The following FNDC3A variants were observed in gnomAD, a reference collection of about 807,000 sequenced individuals.
The protein encoded by FNDC3A is fibronectin type III domain containing 3A, also known as fibronectin type-III domain-containing protein 3A.
A neutral mutation model predicts 148.9 loss-of-function variants in FNDC3A; 32 were observed. That is an observed-to-expected ratio of 0.21 (90% CI 0.16 to 0.29). The LOEUF is 0.29. Among genes scored for constraint, FNDC3A ranks in the 10% least tolerant of loss-of-function variants. The pLI is 1.00. For missense variants in FNDC3A, 1,191 were observed against 1,452.8 expected (o/e 0.82, Z 2.93); for synonymous variants, 472 against 473.6 (o/e 1.00, Z 0.04).
chr13:49,191,239 T>C lies in FNDC3A; in HGVS notation c.2081T>C (p.Ile694Thr). The change falls in exon 19 of 26, where the codon ATT (isoleucine) becomes ACT (threonine). Residue 694 changes from isoleucine (I) to threonine (T), a missense_variant. Transcript: ENST00000492622. ...CCTCTGGTTGATGGTGGATCACCCA[T>C]TTCCTGTTACAGTGTGGAAATGTCT... is the stretch of plus-strand genomic sequence containing the variant. ...GPPLVDGGSP[I>T]SCYSVEMSPI... is the part of the protein sequence containing the mutation. 6.2e-7 allele frequency: 1 copy of C among 1,610,320 alleles called. No homozygotes were observed. The highest frequency in any genetic ancestry group is 2.2e-5 in the East Asian group (1 of 44,858).
chr13:48,985,687 ATG>A (rs1951777303), intron 1 of FNDC3A, among the ~76,000 whole-genome samples: 1 of 152,250 alleles, frequency 6.6e-6, no homozygotes, highest in South Asian at 2.1e-4. Context: ...AAAGCAGTGT[ATG>A]TGATTTCACT....
At chr13:49,152,500 A>G (rs1269422919) in intron 8 of FNDC3A, among the ~76,000 whole-genome samples, 3 of 143,214 alleles carry the variant, frequency 2.1e-5, no homozygotes, top group Non-Finnish European at 4.6e-5. Flanking sequence ...TAGATTGCAA[A>G]AAAAATTGTT....
At chr13:49,138,851 G>T in intron 7 of FNDC3A, 46 bp downstream of exon 7, 1 of 985,912 alleles carries the variant, frequency 1.0e-6, no homozygotes, top group Admixed American at 2.4e-5. Context: ...TAATATATTA[G>T]CATAAGATGT....
chr13:49,131,286 TC>T lies in FNDC3A; in HGVS notation c.403del (p.His135IlefsTer6). 1 of 1,613,998 alleles carries T rather than the reference TC, an allele frequency of 6.2e-7. No individual in the cohort carries two copies. Among genetic ancestry groups the T allele is most frequent in the Non-Finnish European group, 8.5e-7 (1 of 1,179,996 alleles). On this transcript the variant is annotated frameshift_variant, in exon 5 of 26. Transcript: ENST00000492622. LOFTEE classifies it high-confidence loss of function. ...VPTMMPPPPR[H>X]MYSPVTGAGD... Reference sequence around the variant, plus strand: ...CAACTATGATGCCGCCTCCACCACGTCATATGTACTCACCCGTGACTGGAGC... The same window carrying T: ...CAACTATGATGCCGCCTCCACCACGTATATGTACTCACCCGTGACTGGAGC...
At chr13:49,009,984 T>G (rs948763932) in intron 2 of FNDC3A, among the ~76,000 whole-genome samples, 1 of 152,200 alleles carries the variant, frequency 6.6e-6, no homozygotes, top group African/African-American at 2.4e-5. Context: ...CGGAAGTAAC[T>G]TAAGAGATGG....
chr13:49,053,644 A>G (rs1876014473), intron 2 of FNDC3A, among the ~76,000 whole-genome samples: 1 of 152,166 alleles, frequency 6.6e-6, no homozygotes, highest in South Asian at 2.1e-4. Context: ...AGGAGCTATT[A>G]TAAGACCTGG....
intron 4 of FNDC3A, among the ~76,000 whole-genome samples, chr13:49,130,577 CATAA>C (rs559014841): frequency 8.1e-4 from 123 of 152,202 alleles, no homozygotes; most frequent in African/African-American, 2.8e-3. Context: ...TATCTAGTAT[CATAA>C]CTTATTAGGT....
intron 1 of FNDC3A, among the ~76,000 whole-genome samples, chr13:48,984,940 C>T (rs1355790993): frequency 6.6e-6 from 1 of 152,138 alleles, no homozygotes; most frequent in East Asian, 1.9e-4. Flanking sequence ...CCTCAGCCTC[C>T]CAGAGTGCTG....
Position 49,138,730 on chromosome 13 carries a change from T to C in FNDC3A, c.761-17T>C, listed in dbSNP as rs745919874. ...AAGTTCTTTTTTTTAAATATTCAAA[T>C]GTTTTATTTTTTTAAGAAAAAGATG... is the stretch of plus-strand genomic sequence containing the variant. On this transcript the variant is annotated splice_polypyrimidine_tract_variant and intron_variant, in intron 6 of 25. Coordinates refer to ENST00000492622, the MANE Select transcript of FNDC3A (RefSeq NM_001079673.2). The C allele has an allele frequency of 2.4e-6, 3 of 1,273,382 alleles. No homozygotes were observed. The highest frequency in any genetic ancestry group is 1.4e-5 in the South Asian group (1 of 71,560). The allele number at this position is 1,273,382 out of a possible 1,614,324, so 78.9% of individuals were successfully genotyped here.
At chr13:49,090,565 T>C (rs1354539382) in intron 3 of FNDC3A, among the ~76,000 whole-genome samples, 2 of 152,188 alleles carry the variant, frequency 1.3e-5, no homozygotes, top group Non-Finnish European at 2.9e-5. Context: ...GCCATTGTTA[T>C]TGTACGACCC....
intron 2 of FNDC3A, among the ~76,000 whole-genome samples, chr13:49,011,997 G>T (rs1018602060): frequency 2.6e-5 from 4 of 152,086 alleles, no homozygotes; most frequent in African/African-American, 9.7e-5. Context: ...AATTATTTCA[G>T]CACTGTTTAT....
intron 2 of FNDC3A, among the ~76,000 whole-genome samples, chr13:49,033,680 T>G (rs1874289229): frequency 6.6e-6 from 1 of 151,776 alleles, no homozygotes; most frequent in African/African-American, 2.4e-5. Context: ...GTAAAGTGGG[T>G]TTTAGAAGTG....
chr13:49,073,717 A>G (rs1877872003), intron 2 of FNDC3A, among the ~76,000 whole-genome samples: 1 of 146,606 alleles, frequency 6.8e-6, no homozygotes, highest in Non-Finnish European at 1.5e-5. Context: ...ATATATGTGT[A>G]TATATAATAT....
At chr13:48,994,418 A>G (rs538956231) in intron 1 of FNDC3A, among the ~76,000 whole-genome samples, 15 of 152,226 alleles carry the variant, frequency 9.9e-5, no homozygotes, top group East Asian at 1.9e-4. Flanking sequence ...ATTGAAGTGT[A>G]TGTATGGTAA....
rs552178750 is a variant in FNDC3A, at chr13:49,159,227, C to T, written c.978-8017C>T. Among the ~76,000 whole-genome samples, 978 of 152,240 alleles carry T rather than the reference C, an allele frequency of 6.4e-3. 11 individuals are homozygous for T. Among genetic ancestry groups the T allele is most frequent in the South Asian group, 0.038 (182 of 4,810 alleles). On this transcript the variant is annotated intron_variant, in intron 8 of 25. Transcript: ENST00000492622. The stretch of plus-strand genomic sequence containing the variant: ...ACCTTGGGCAGTATGGCCATTTTCA[C>T]GATATTGATTCTTCCTATCCATGAG...
intron 3 of FNDC3A, among the ~76,000 whole-genome samples, chr13:49,102,502 T>C (rs1879925169): frequency 6.6e-6 from 1 of 152,196 alleles, no homozygotes; most frequent in South Asian, 2.1e-4. Context: ...GACTCCTACC[T>C]TCAGAACCCT....
intron 2 of FNDC3A, among the ~76,000 whole-genome samples, chr13:49,074,803 G>A (rs566754694): frequency 5.3e-5 from 8 of 152,044 alleles, no homozygotes; most frequent in South Asian, 2.1e-4. Context: ...TTCAAATGTC[G>A]TAAAATTGGT....
chr13:49,143,312 C>T (rs1395761855), intron 7 of FNDC3A, among the ~76,000 whole-genome samples: 1 of 152,046 alleles, frequency 6.6e-6, no homozygotes, highest in Non-Finnish European at 1.5e-5. Flanking sequence ...TCGCTTGAGC[C>T]TAGGAGTTCG....
chr13:49,031,109 G>C (rs534419512), intron 2 of FNDC3A, among the ~76,000 whole-genome samples: 3 of 152,300 alleles, frequency 2.0e-5, no homozygotes, highest in Admixed American at 6.5e-5. Flanking sequence ...ACTGCAGACT[G>C]GGTGCAATGG....
Sources: allele counts gnomAD v4.1 joint callset (sites outside exome capture counted in the v4.1 genomes callset), GRCh38; gene constraint gnomAD v4.1.1; transcripts MANE v1.5; gene names NCBI Gene and HGNC (gene_info 2026-07-23, HGNC 2026-07-21).